Variants in ADCY5 observed in about 807,000 individuals in gnomAD.
ADCY5 encodes adenylate cyclase 5, also known as adenylate cyclase type 5.
ADCY5 carries 30 observed loss-of-function variants against 119.7 expected under a neutral mutation model. That is an observed-to-expected ratio of 0.25 (90% CI 0.19 to 0.34). The LOEUF (loss-of-function observed/expected upper bound fraction) is 0.34. Among genes scored for constraint, ADCY5 ranks in the 10% least tolerant of loss-of-function variants. ADCY5 has a pLI of 1.00. For synonymous variants in ADCY5, 753 were observed against 762.2 expected (o/e 0.99, Z 0.20); for missense variants, 1,324 against 1,775.2 (o/e 0.75, Z 4.57).
chr3:123,323,946 G>A (rs909326755), intron 8 of ADCY5, among the ~76,000 whole-genome samples: 7 of 152,136 alleles, frequency 4.6e-5, no homozygotes, highest in African/African-American at 1.7e-4. Context: ...AAGGGCTGGG[G>A]TGGCAATGGG....
chr3:123,367,049 T>C (rs1319649169), intron 1 of ADCY5, among the ~76,000 whole-genome samples: 1 of 152,252 alleles, frequency 6.6e-6, no homozygotes, highest in African/African-American at 2.4e-5. Flanking sequence ...TGCTCAGCAT[T>C]GCAGCATATA....
intron 3 of ADCY5, among the ~76,000 whole-genome samples, chr3:123,344,051 C>G (rs1942407037): frequency 6.6e-6 from 1 of 152,178 alleles, no homozygotes; most frequent in South Asian, 2.1e-4. Flanking sequence ...TGCTGCACAA[C>G]TATTCTCCTC....
intron 1 of ADCY5, among the ~76,000 whole-genome samples, chr3:123,402,617 G>A (rs1483040622): frequency 1.3e-5 from 2 of 151,600 alleles, no homozygotes; most frequent in African/African-American, 4.9e-5. Context: ...TTGGGAGGCT[G>A]AGACGGGTGG....
intron 1 of ADCY5, among the ~76,000 whole-genome samples, chr3:123,431,456 A>C (rs963725075): frequency 6.6e-6 from 1 of 152,184 alleles, no homozygotes; most frequent in African/African-American, 2.4e-5. Context: ...AGAAAAAAAA[A>C]AATGAGAGAG....
chr3:123,352,507 G>T lies in ADCY5; in HGVS notation c.1209C>A (p.Ser403=). 2 of 1,614,014 alleles carry T rather than the reference G, an allele frequency of 1.2e-6. No individual in the cohort carries two copies. The highest frequency in any genetic ancestry group is 1.7e-6 in the Non-Finnish European group (2 of 1,179,962). The change falls in exon 2 of 21, where the codon TCC becomes TCA. Residue 403 remains serine, a synonymous_variant. Transcript: ENST00000462833. This position sits in a 1 kb window ranked among gnomAD's most constrained non-coding sequence, Gnocchi z 4.8. The stretch of plus-strand genomic sequence containing the variant: ...GGGTCTCCTGGAAAGCCTGTCTCTG[G>T]GAGACCTCAGCCGGATAGTGGGTGC... ...GVCTHYPAEV[S]QRQAFQETRE...
At chr3:123,320,847 G>T in intron 8 of ADCY5, 76 bp from the exon 9 acceptor site, 1 of 1,099,358 alleles carries the variant, frequency 9.1e-7, no homozygotes, top group Non-Finnish European at 1.4e-6. Context: ...GCGTCTAGAT[G>T]GCTGCAGCTC....
intron 1 of ADCY5, among the ~76,000 whole-genome samples, chr3:123,432,041 C>T (rs1449138829): frequency 6.6e-6 from 1 of 152,138 alleles, no homozygotes; most frequent in Non-Finnish European, 1.5e-5. Flanking sequence ...CCTTTACTTC[C>T]CACACCTTAA....
At chr3:123,320,813 A>G in intron 8 of ADCY5, 42 bp from the exon 9 acceptor site, 1 of 1,461,030 alleles carries the variant, frequency 6.8e-7, no homozygotes, top group Non-Finnish European at 9.5e-7. Flanking sequence ...GAGAATGAGA[A>G]CAGAGAGAAC....
At position 123,284,601 on chromosome 3, in the gene ADCY5, A is replaced by G; in HGVS notation, c.*7T>C. The G allele has an allele frequency of 6.2e-7, 1 of 1,614,182 alleles. No individual in the cohort carries two copies. The highest frequency in any genetic ancestry group is 8.5e-7 in the Non-Finnish European group (1 of 1,179,996). ...CCAGGCTGCCTGGCACCATTGGCCAACAGCTGCTAACTGAGCGGGGGCCCT... is the reference window on the plus strand; with the variant it reads ...CCAGGCTGCCTGGCACCATTGGCCAGCAGCTGCTAACTGAGCGGGGGCCCT... On this transcript the variant is annotated 3_prime_UTR_variant, in exon 21 of 21. Transcript: ENST00000462833.
chr3:123,401,496 C>T (rs1475515468), intron 1 of ADCY5, among the ~76,000 whole-genome samples: 1 of 152,162 alleles, frequency 6.6e-6, no homozygotes, highest in African/African-American at 2.4e-5. Flanking sequence ...CCTTGGAGCC[C>T]ACATAGTGGC....
intron 1 of ADCY5, among the ~76,000 whole-genome samples, chr3:123,354,194 C>CTTGA (rs1376907425): frequency 6.6e-6 from 1 of 152,230 alleles, no homozygotes; most frequent in African/African-American, 2.4e-5. Context: ...CAGAAACTTA[C>CTTGA]AATCTACTTG....
At chr3:123,401,250 CCG>C (rs1944744050) in intron 1 of ADCY5, among the ~76,000 whole-genome samples, 1 of 152,126 alleles carries the variant, frequency 6.6e-6, no homozygotes, top group African/African-American at 2.4e-5. Flanking sequence ...TCTAACATGT[CCG>C]GGTAGGTCAG....
In ADCY5 at chr3:123,352,394, A is replaced by G; in HGVS notation, c.1284+38T>C. The G allele has an allele frequency of 1.3e-6, 2 of 1,583,206 alleles. No individual in the cohort carries two copies. Among genetic ancestry groups the G allele is most frequent in the Non-Finnish European group, 1.7e-6 (2 of 1,165,330 alleles). ...CAGCTGAGGTACATCTCAGGGCTCG[A>G]CTCCGTCCCACTGTGCAAGGGCAGG... On this transcript the variant is annotated intron_variant, in intron 2 of 20. Coordinates refer to ENST00000462833, the MANE Select transcript of ADCY5 (RefSeq NM_183357.3). The surrounding 1 kb of genome is among the most constrained non-coding windows in gnomAD (Gnocchi z 4.8).
chr3:123,308,491 T>C (rs548193457), intron 12 of ADCY5, among the ~76,000 whole-genome samples: 2 of 152,306 alleles, frequency 1.3e-5, no homozygotes, highest in African/African-American at 4.8e-5. Flanking sequence ...AGAGTTCATC[T>C]GTATGTCAGC....
At chr3:123,433,541 G>A (rs1182363046) in intron 1 of ADCY5, among the ~76,000 whole-genome samples, 5 of 152,212 alleles carry the variant, frequency 3.3e-5, no homozygotes, top group African/African-American at 4.8e-5. Flanking sequence ...TGAGAAGAGC[G>A]ACAGGAACAA....
intron 1 of ADCY5, among the ~76,000 whole-genome samples, chr3:123,369,168 G>C (rs986267211): frequency 2.2e-5 from 3 of 133,646 alleles, no homozygotes; most frequent in Non-Finnish European, 5.4e-5. Context: ...ATAAGAAGAG[G>C]AGAAGAGACC....
chr3:123,296,055 T>TCCCCAGGTCCAG, intron 17 of ADCY5, 29 bp downstream of exon 17: 1 of 1,610,852 alleles, frequency 6.2e-7, no homozygotes, highest in Non-Finnish European at 8.5e-7. Flanking sequence ...AATGCCTCCC[T>TCCCCAGGTCCAG]CCCCAGGTCC....
At chr3:123,396,533 AAAGAAAG>A (rs1183260370) in intron 1 of ADCY5, among the ~76,000 whole-genome samples, 2 of 72,658 alleles carry the variant, frequency 2.8e-5, no homozygotes, top group African/African-American at 1.5e-4. Context: ...GAGAGAAAGA[AAAGAAAG>A]AAAGAAAGAA....
intron 1 of ADCY5, among the ~76,000 whole-genome samples, chr3:123,406,249 C>T (rs965861820): frequency 3.3e-5 from 5 of 152,244 alleles, no homozygotes; most frequent in African/African-American, 1.2e-4. Context: ...GCTGACCCCG[C>T]CTCTCTGTTC....
Sources: gnomAD v4.1 joint callset for allele counts (sites outside exome capture counted in the v4.1 genomes callset) on GRCh38, gnomAD v4.1.1 for gene constraint, Gnocchi (gnomAD v3.1) non-coding constraint, MANE v1.5 for transcripts, NCBI Gene and HGNC (gene_info 2026-07-23, HGNC 2026-07-21) for gene names.